The following ZNF395 variants were observed in gnomAD, a reference collection of about 807,000 sequenced individuals.
ZNF395 encodes the protein HD gene regulatory region-binding protein 2.
A neutral mutation model predicts 57.7 loss-of-function variants in ZNF395; 20 were observed. The ratio of observed to expected loss-of-function variants is 0.35; its 90% CI spans 0.24 to 0.50. ZNF395 has a LOEUF of 0.50. Ranked by LOEUF, ZNF395 falls within the 20% of genes least tolerant of loss-of-function variation. The probability of loss-of-function intolerance (pLI) is 0.97; values close to 1 mark genes in which losing one functional copy is unlikely to be tolerated. For synonymous variants in ZNF395, 295 were observed against 275.9 expected (o/e 1.07, Z -0.69); for missense variants, 606 against 671.2 (o/e 0.90, Z 1.07).
intron 1 of ZNF395, among the ~76,000 whole-genome samples, chr8:28,374,213 G>A (rs116011209): frequency 6.6e-6 from 1 of 152,324 alleles, no homozygotes; most frequent in African/African-American, 2.4e-5. Context: ...TTGAGGGAGG[G>A]AGAGGCAATT....
At chr8:28,385,650 C>T (rs1802168205) in intron 1 of ZNF395, among the ~76,000 whole-genome samples, 1 of 147,600 alleles carries the variant, frequency 6.8e-6, no homozygotes, top group African/African-American at 2.5e-5. Context: ...GAGGGCCGGG[C>T]GCGGGAGGGC....
chr8:28,384,184 T>C (rs555210329), intron 1 of ZNF395, among the ~76,000 whole-genome samples: 4 of 152,252 alleles, frequency 2.6e-5, no homozygotes, highest in East Asian at 1.9e-4. Flanking sequence ...ATTACACCAT[T>C]CCCTCACTCA....
At position 28,359,492 on chromosome 8, in the gene ZNF395, C is replaced by G. The variant is rs1050920583; in HGVS notation, c.473+100G>C. 3.4e-6 allele frequency: 5 copies of G among 1,455,222 alleles called. No homozygotes were observed. The East Asian group carries it at 7.1e-5, about 21-fold the overall frequency. 90.1% of individuals were successfully genotyped at this position (1,455,222 alleles called of 1,614,324 possible). ...GTCCCAATATCTTGGCACCCAGATGCCAATGACACCACATTTCTTCCCCAC... is the reference window on the plus strand; with the variant it reads ...GTCCCAATATCTTGGCACCCAGATGGCAATGACACCACATTTCTTCCCCAC... On this transcript the variant is annotated intron_variant, in intron 3 of 9. Transcript: ENST00000344423. The surrounding 1 kb of genome is among the most constrained non-coding windows in gnomAD (Gnocchi z 4.7).
At chr8:28,369,223 C>A (rs922871324) in intron 1 of ZNF395, among the ~76,000 whole-genome samples, 19 of 151,322 alleles carry the variant, frequency 1.3e-4, no homozygotes, top group African/African-American at 4.1e-4. Flanking sequence ...TCATCACATT[C>A]CCTGACAATG....
intron 1 of ZNF395, among the ~76,000 whole-genome samples, chr8:28,370,487 C>T (rs960214775): frequency 6.6e-6 from 1 of 152,190 alleles, no homozygotes; most frequent in Non-Finnish European, 1.5e-5. Flanking sequence ...GATGGAGAAA[C>T]AGGCTGAATG....
At chr8:28,357,033 T>C (rs1801789317) in intron 3 of ZNF395, among the ~76,000 whole-genome samples, 1 of 152,136 alleles carries the variant, frequency 6.6e-6, no homozygotes, top group Non-Finnish European at 1.5e-5. Flanking sequence ...GCAGCCCCGG[T>C]ATAAGCCGCT....
At chr8:28,361,631 T>C (rs1012309650) in intron 1 of ZNF395, among the ~76,000 whole-genome samples, 1 of 152,064 alleles carries the variant, frequency 6.6e-6, no homozygotes, top group South Asian at 2.1e-4. Flanking sequence ...CTTCTCTGCC[T>C]GCAGTGAGCA....
intron 1 of ZNF395, among the ~76,000 whole-genome samples, chr8:28,384,223 C>G (rs1355106558): frequency 6.6e-6 from 1 of 152,204 alleles, no homozygotes; most frequent in Non-Finnish European, 1.5e-5. Flanking sequence ...TTAGGACACA[C>G]AGGGTGGCAT....
intron 1 of ZNF395, among the ~76,000 whole-genome samples, chr8:28,383,545 T>C (rs376600990): frequency 7.2e-5 from 11 of 152,252 alleles, no homozygotes; most frequent in African/African-American, 2.4e-4. Context: ...ACCCTCGAGA[T>C]TAGAAGAATC....
chr8:28,357,637 T>C (rs1350792210), intron 3 of ZNF395, among the ~76,000 whole-genome samples: 1 of 152,242 alleles, frequency 6.6e-6, no homozygotes, highest in East Asian at 1.9e-4. Context: ...ACCAAGACTA[T>C]TAAAACGTGA....
In ZNF395 at chr8:28,355,968, A is replaced by G. The variant is rs565971828; in HGVS notation, c.583+702T>C. Among the ~76,000 whole-genome samples the G allele has an allele frequency of 8.2e-5, 12 of 145,754 alleles. 1 individual carries two copies. The highest frequency in any genetic ancestry group is 3.3e-4 in the Admixed American group (5 of 15,200). ...TTGCAATTCAGTTAGGTGTCCACCAATGAAGAAGTTCTTCCCTGGGAGTAG... is the reference window on the plus strand; with the variant it reads ...TTGCAATTCAGTTAGGTGTCCACCAGTGAAGAAGTTCTTCCCTGGGAGTAG... On this transcript the variant is annotated intron_variant, in intron 4 of 9. Transcript: ENST00000344423.
chr8:28,346,051 G>A lies in ZNF395; in HGVS notation c.*2668C>T, dbSNP rs1406223540. ...CCTCGCTTGGCCACAGACGTCATTC[G>A]CTGGACTCCCTGGGCACTAAATGAG... On this transcript the variant is annotated 3_prime_UTR_variant, in exon 10 of 10. Transcript: ENST00000344423. The A allele has an allele frequency of 3.9e-5, 6 of 152,198 alleles. No homozygotes were observed. Among genetic ancestry groups the A allele is most frequent in the South Asian group, 2.1e-4 (1 of 4,808 alleles). 9.4% of individuals were successfully genotyped at this position (152,198 alleles called of 1,614,324 possible).
chr8:28,349,297 C>T lies in ZNF395; in HGVS notation c.1327-69G>A, dbSNP rs889749545. 4 of 1,299,678 alleles carry T rather than the reference C, an allele frequency of 3.1e-6. No homozygotes were observed. The African/African-American group carries it at 6.0e-5, about 20-fold the overall frequency. 80.5% of individuals were successfully genotyped at this position (1,299,678 alleles called of 1,614,324 possible). A position where few individuals can be genotyped will look rare whatever the true frequency, so the allele number is the denominator to read the frequency against. On this transcript the variant is annotated intron_variant, in intron 8 of 9. Transcript: ENST00000344423. ...AAGGTGAGGGAGCTATCCTAAAAGA[C>T]AGGCAGCCACCCGTCCCCAGCTCCT...
chr8:28,357,610 G>C (rs1801796361), intron 3 of ZNF395, among the ~76,000 whole-genome samples: 1 of 152,174 alleles, frequency 6.6e-6, no homozygotes, highest in African/African-American at 2.4e-5. Flanking sequence ...AATATGACTT[G>C]GGTTTGAAGC....
intron 1 of ZNF395, among the ~76,000 whole-genome samples, chr8:28,381,370 C>T (rs759198050): frequency 3.9e-5 from 6 of 152,066 alleles, no homozygotes; most frequent in Non-Finnish European, 8.8e-5. Context: ...TTTGTAGAGA[C>T]AGGGTCTCAA....
At chr8:28,383,737 TTC>T (rs1479231584) in intron 1 of ZNF395, among the ~76,000 whole-genome samples, 1 of 151,938 alleles carries the variant, frequency 6.6e-6, no homozygotes, top group African/African-American at 2.4e-5. Flanking sequence ...GCCTCCCCAC[TTC>T]TCTGAGCCCC....
intron 1 of ZNF395, among the ~76,000 whole-genome samples, chr8:28,373,085 G>A (rs902530950): frequency 6.6e-6 from 1 of 152,236 alleles, no homozygotes; most frequent in Admixed American, 6.5e-5. Context: ...GACAGTGAAT[G>A]AATGCACGAG....
intron 1 of ZNF395, among the ~76,000 whole-genome samples, chr8:28,368,995 C>T (rs1801945045): frequency 1.3e-5 from 2 of 152,074 alleles, no homozygotes; most frequent in South Asian, 2.1e-4. Context: ...GCCACCATGC[C>T]GGGCTAATTT....
In ZNF395 at chr8:28,353,311, G is replaced by C. The variant is rs768735105; in HGVS notation, c.681C>G (p.Val227=). The C allele has an allele frequency of 7.5e-6, 12 of 1,607,202 alleles. No individual in the cohort carries two copies. Among genetic ancestry groups the C allele is most frequent in the Non-Finnish European group, 1.0e-5 (12 of 1,177,162 alleles). ...GGGGGTGGGGGGGCGAGGGGGTGGA[G>C]ACACCACTGCTCCCACTCCAGTGAC... ...TSGHWSGSSG[V]STPSPPHPQA... The change falls in exon 5 of 10, where the codon GTC becomes GTG. Residue 227 remains valine, a synonymous_variant. Coordinates refer to ENST00000344423, the MANE Select transcript of ZNF395 (RefSeq NM_018660.3).
Sources: allele counts gnomAD v4.1 joint callset (sites outside exome capture counted in the v4.1 genomes callset), GRCh38; gene constraint gnomAD v4.1.1; non-coding constraint Gnocchi (gnomAD v3.1); transcripts MANE v1.5; gene names NCBI Gene and HGNC (gene_info 2026-07-23, HGNC 2026-07-21).